PAM: variants seen among roughly 807,000 people sequenced by gnomAD.
The protein encoded by PAM is peptidylglycine alpha-amidating monooxygenase.
A neutral mutation model predicts 122.1 loss-of-function variants in PAM; 72 were observed. That is an observed-to-expected ratio of 0.59 (90% CI 0.49 to 0.72). The LOEUF (loss-of-function observed/expected upper bound fraction) is 0.72. Among genes scored for constraint, PAM ranks in the 30% least tolerant of loss-of-function variants. The pLI is 0.00. For synonymous variants in PAM, 389 were observed against 404.4 expected, an observed-to-expected ratio of 0.96 and a Z score of 0.46; for missense variants, 1,106 against 1,183.7, an observed-to-expected ratio of 0.93 and a Z score of 0.96.
intron 7 of PAM, among the ~76,000 whole-genome samples, chr5:102,945,450 TTATATAAACTA>T (rs1470405901): frequency 6.7e-6 from 1 of 149,456 alleles, no homozygotes; most frequent in African/African-American, 2.4e-5. Context: ...TTCATATAGC[TTATATAAACTA>T]TATATAAACT....
rs115518913 is a variant in PAM, at chr5:102,872,635, T to C, written c.210+5242T>C. The stretch of plus-strand genomic sequence containing the variant: ...TCAGTTTTAAAATATCAAACCATAA[T>C]CATAACATCATTTATAAGTGGCAGT... On this transcript the variant is annotated intron_variant, in intron 3 of 25. Coordinates refer to ENST00000438793, the MANE Select transcript of PAM (RefSeq NM_001177306.2). 6.7e-3 allele frequency among the ~76,000 whole-genome samples: 1,025 copies of C among 152,324 alleles called. 8 individuals carry two copies. The highest frequency in any genetic ancestry group is 0.013 in the Non-Finnish European group (852 of 68,024).
chr5:102,770,248 A>AGATCTAT (rs1165199890), intron 1 of PAM, among the ~76,000 whole-genome samples: 1 of 152,074 alleles, frequency 6.6e-6, no homozygotes, highest in Non-Finnish European at 1.5e-5. Flanking sequence ...TTTGTTTATT[A>AGATCTAT]GATCTATTAG....
chr5:102,834,575 G>A (rs566365937), intron 1 of PAM, among the ~76,000 whole-genome samples: 172 of 152,268 alleles, frequency 1.1e-3, no homozygotes, highest in African/African-American at 4.0e-3. Context: ...TAAATAATGA[G>A]GTCAAGGAAG....
chr5:102,811,444 G>T (rs1767879702), intron 1 of PAM, among the ~76,000 whole-genome samples: 1 of 152,122 alleles, frequency 6.6e-6, no homozygotes, highest in African/African-American at 2.4e-5. Flanking sequence ...CATCTCTCTG[G>T]TTCTCTGCAG....
chr5:102,807,322 T>A (rs1272426840), intron 1 of PAM, among the ~76,000 whole-genome samples: 1 of 152,264 alleles, frequency 6.6e-6, no homozygotes, highest in East Asian at 1.9e-4. Flanking sequence ...GCAATTACTT[T>A]AAACTGGATA....
intron 3 of PAM, among the ~76,000 whole-genome samples, chr5:102,876,028 T>C (rs974975157): frequency 1.3e-5 from 2 of 152,214 alleles, no homozygotes; most frequent in Non-Finnish European, 2.9e-5. Flanking sequence ...CATGAGTAAA[T>C]GATTATAAAC....
intron 7 of PAM, among the ~76,000 whole-genome samples, chr5:102,940,253 G>T (rs557537598): frequency 6.6e-6 from 1 of 151,448 alleles, no homozygotes; most frequent in African/African-American, 2.4e-5. Context: ...ATTTTAAATT[G>T]TGTTTAAAAG....
chr5:102,837,201 C>T (rs1299101655), intron 1 of PAM, among the ~76,000 whole-genome samples: 1 of 152,138 alleles, frequency 6.6e-6, no homozygotes, highest in Non-Finnish European at 1.5e-5. Context: ...TAATGTATTT[C>T]AGAGGCTTTC....
rs148182169 is a variant in PAM at position 102,959,880 on chromosome 5, C to A, written c.911C>A (p.Thr304Lys). ...GRTEATHIGG[T>K]SSDEMCNLYI... ...TATCTTTTTTTTGCCTGCAGTGGCA[C>A]GTCTAGTGATGAAATGTGCAACTTA... is the stretch of plus-strand genomic sequence containing the variant. The change falls in exon 13 of 26, where the codon ACG becomes AAG. Residue 304 changes from threonine to lysine, a missense_variant. Physicochemically the swap from Thr to Lys is moderately conservative, Grantham distance 78 (BLOSUM62 -1). Around this residue, in one of 3 missense-constraint regions of PAM, gnomAD observed 670 missense variants for 690.3 expected, o/e 0.97. Coordinates refer to ENST00000438793, the MANE Select transcript of PAM (RefSeq NM_001177306.2). 62 of 1,607,304 alleles carry A rather than the reference C, an allele frequency of 3.9e-5. No individual in the cohort carries two copies. Among genetic ancestry groups the A allele is most frequent in the Admixed American group, 6.7e-5 (4 of 59,702 alleles).
At chr5:102,984,932 T>C (rs146506394) in intron 15 of PAM, among the ~76,000 whole-genome samples, 82 of 152,050 alleles carry the variant, frequency 5.4e-4, no homozygotes, top group African/African-American at 1.7e-3. Flanking sequence ...AGAACAACTT[T>C]GGAAGCTGTA....
At chr5:102,874,159 T>C (rs1393030386) in intron 3 of PAM, among the ~76,000 whole-genome samples, 2 of 152,326 alleles carry the variant, frequency 1.3e-5, no homozygotes, top group East Asian at 1.9e-4. Context: ...TTTTTGTTTA[T>C]TTAGCTGTGA....
At chr5:102,890,325 A>G (rs944933463) in intron 3 of PAM, among the ~76,000 whole-genome samples, 5 of 151,864 alleles carry the variant, frequency 3.3e-5, no homozygotes, top group Admixed American at 6.6e-5. Flanking sequence ...TTGATAATCC[A>G]TTATAAAGTC....
At chr5:102,882,255 T>C (rs937234740) in intron 3 of PAM, among the ~76,000 whole-genome samples, 4 of 151,088 alleles carry the variant, frequency 2.6e-5, no homozygotes, top group Non-Finnish European at 4.4e-5. Context: ...GATTGCTGGA[T>C]CAAATGGTAG....
At chr5:102,853,100 G>T (rs544900950) in intron 1 of PAM, among the ~76,000 whole-genome samples, 1 of 152,174 alleles carries the variant, frequency 6.6e-6, no homozygotes, top group Non-Finnish European at 1.5e-5. Context: ...AGTTGGTTCT[G>T]CCAGACTGCT....
intron 21 of PAM, among the ~76,000 whole-genome samples, chr5:103,015,272 T>C (rs768768975): frequency 7.9e-5 from 12 of 152,190 alleles, no homozygotes; most frequent in Admixed American, 2.6e-4. Flanking sequence ...ATTAAGTACA[T>C]TTAAACTTAC....
intron 19 of PAM, 120 bp downstream of exon 19, chr5:103,007,131 CTGGGTCAT>C: frequency 1.4e-6 from 1 of 727,978 alleles, no homozygotes; most frequent in Non-Finnish European, 2.3e-6. Flanking sequence ...TCATTGTAAC[CTGGGTCAT>C]TGTATGCATC....
chr5:102,775,744 T>C (rs147529195), intron 1 of PAM, among the ~76,000 whole-genome samples: 1 of 152,192 alleles, frequency 6.6e-6, no homozygotes, highest in African/African-American at 2.4e-5. Context: ...GTATCATTGA[T>C]GGGCATTTGG....
At chr5:102,926,195 C>T (rs991770873) in intron 6 of PAM, among the ~76,000 whole-genome samples, 6 of 152,024 alleles carry the variant, frequency 3.9e-5, no homozygotes, top group Admixed American at 1.3e-4. Context: ...CCCGGGTTCA[C>T]GCCATTCTCC....
chr5:102,951,604 C>T (rs2150093925), intron 12 of PAM, among the ~76,000 whole-genome samples: 1 of 151,772 alleles, frequency 6.6e-6, no homozygotes, highest in East Asian at 1.9e-4. Flanking sequence ...CTTTAGATGC[C>T]CTAAAGATGA....
Sources: gnomAD v4.1 joint callset for allele counts (sites outside exome capture counted in the v4.1 genomes callset) on GRCh38, gnomAD v4.1.1 for gene constraint, gnomAD v4.1.1 regional missense constraint, MANE v1.5 for transcripts, NCBI Gene and HGNC (gene_info 2026-07-23, HGNC 2026-07-21) for gene names.